DPP10: variants seen among roughly 807,000 people sequenced by gnomAD.
The protein encoded by DPP10 is inactive dipeptidyl peptidase 10.
In DPP10, 33 loss-of-function variants were observed where a neutral mutation model predicts 120.9. The observed-to-expected ratio is 0.27, with a 90% CI of 0.21 to 0.37. The LOEUF (loss-of-function observed/expected upper bound fraction) is 0.37, where lower values mean the gene tolerates loss of function less well. Among genes scored for constraint, DPP10 ranks in the 10% least tolerant of loss-of-function variants. The pLI is 1.00. For synonymous variants in DPP10, 337 were observed against 326.1 expected, an observed-to-expected ratio of 1.03 and a Z score of -0.36; for missense variants, 816 against 942.8, an observed-to-expected ratio of 0.87 and a Z score of 1.76.
At chr2:115,130,501 T>TATCCATCCATCC (rs56314226) in intron 1 of DPP10, among the ~76,000 whole-genome samples, 7,387 of 144,920 alleles carry the variant, frequency 0.051, 215 homozygotes, top group Non-Finnish European at 0.056. Flanking sequence ...TCCATCCATC[T>TATCCATCCATCC]ATCCATCCAT....
At chr2:114,670,854 T>C (rs1019065747) in intron 1 of DPP10, among the ~76,000 whole-genome samples, 1 of 152,118 alleles carries the variant, frequency 6.6e-6, no homozygotes, top group African/African-American at 2.4e-5. Flanking sequence ...AGTAAATAAT[T>C]GTTGTGCTGT....
At chr2:115,649,099 A>T (rs1038067907) in intron 5 of DPP10, among the ~76,000 whole-genome samples, 1 of 152,126 alleles carries the variant, frequency 6.6e-6, no homozygotes, top group Admixed American at 6.6e-5. Context: ...TCATGCTTCT[A>T]GGGAAAAGGA....
chr2:114,500,935 G>A (rs939321770), intron 1 of DPP10, among the ~76,000 whole-genome samples: 4 of 152,118 alleles, frequency 2.6e-5, no homozygotes, highest in African/African-American at 9.7e-5. Context: ...CAGAGCCGAG[G>A]GCCACAGAAA....
chr2:115,514,492 G>T (rs754862302), intron 4 of DPP10, among the ~76,000 whole-genome samples: 3 of 151,140 alleles, frequency 2.0e-5, no homozygotes, highest in Admixed American at 2.0e-4. Flanking sequence ...AATAAAACAT[G>T]GTCTAATAAT....
At chr2:115,566,246 TA>T (rs2081001975) in intron 5 of DPP10, among the ~76,000 whole-genome samples, 1 of 152,276 alleles carries the variant, frequency 6.6e-6, no homozygotes, top group South Asian at 2.1e-4. Context: ...TAAAAGTATT[TA>T]TAATTTTCTG....
At chr2:115,805,871 G>A (rs755234595) in intron 19 of DPP10, among the ~76,000 whole-genome samples, 7 of 151,958 alleles carry the variant, frequency 4.6e-5, no homozygotes, top group Admixed American at 6.6e-5. Flanking sequence ...CGCCGCGCCC[G>A]GCACTTCCTG....
chr2:114,798,646 G>A (rs966627463), intron 1 of DPP10, among the ~76,000 whole-genome samples: 3 of 152,098 alleles, frequency 2.0e-5, no homozygotes, highest in African/African-American at 7.2e-5. Context: ...ACCCTTAAAG[G>A]GCATGACAGT....
At chr2:115,006,553 G>T (rs1240991901) in intron 1 of DPP10, among the ~76,000 whole-genome samples, 1 of 148,220 alleles carries the variant, frequency 6.7e-6, no homozygotes, top group Non-Finnish European at 1.5e-5. Context: ...ACAAAAAAAG[G>T]CAGGGGTTGC....
chr2:115,011,835 A>T (rs141875508), intron 1 of DPP10, among the ~76,000 whole-genome samples: 35 of 152,134 alleles, frequency 2.3e-4, no homozygotes, highest in African/African-American at 8.4e-4. Context: ...AGACACTGAA[A>T]ACCTGTGAGT....
intron 1 of DPP10, among the ~76,000 whole-genome samples, chr2:115,173,500 A>G (rs1370260373): frequency 6.6e-6 from 1 of 152,240 alleles, no homozygotes; most frequent in Non-Finnish European, 1.5e-5. Flanking sequence ...CAGGTTATAT[A>G]GGGCTAAAAA....
intron 1 of DPP10, among the ~76,000 whole-genome samples, chr2:114,503,042 GAGAT>G (rs1683334224): frequency 6.6e-6 from 1 of 152,164 alleles, no homozygotes; most frequent in Non-Finnish European, 1.5e-5. Flanking sequence ...GAGGGCTATA[GAGAT>G]AGATGGATAA....
intron 5 of DPP10, among the ~76,000 whole-genome samples, chr2:115,629,065 G>A (rs969394108): frequency 6.6e-6 from 1 of 152,090 alleles, no homozygotes; most frequent in Admixed American, 6.6e-5. Flanking sequence ...AACATGCGGT[G>A]TTTGGTTTTC....
chr2:114,621,737 T>C (rs572084118), intron 1 of DPP10, among the ~76,000 whole-genome samples: 2 of 151,874 alleles, frequency 1.3e-5, no homozygotes, highest in African/African-American at 2.4e-5. Context: ...AATAAATAAA[T>C]GGATAGAGGT....
intron 2 of DPP10, among the ~76,000 whole-genome samples, chr2:115,342,896 T>G (rs2063520166): frequency 6.6e-6 from 1 of 152,212 alleles, no homozygotes; most frequent in African/African-American, 2.4e-5. Flanking sequence ...TGCCCCAGCC[T>G]TTTCAGCTAG....
Position 115,489,489 on chromosome 2 carries a change from T to C in DPP10, c.272-10021T>C, listed in dbSNP as rs149964227. 8.7e-3 allele frequency among the ~76,000 whole-genome samples: 1,316 copies of C among 151,920 alleles called. 13 individuals carry two copies. Among genetic ancestry groups the C allele is most frequent in the African/African-American group, 0.029 (1,219 of 41,414 alleles). ...TAAGCACAACTGACCAGCATTCAGG[T>C]TAAAATAGAGATCACAAGAATAACA... On this transcript the variant is annotated intron_variant, in intron 3 of 25. Transcript: ENST00000410059.
chr2:115,447,178 C>T (rs1253479922), intron 3 of DPP10, among the ~76,000 whole-genome samples: 1 of 152,180 alleles, frequency 6.6e-6, no homozygotes, highest in Non-Finnish European at 1.5e-5. Flanking sequence ...AATGACTGCC[C>T]CCACTGGATT....
chr2:115,228,243 GGCCC>G (rs1457398794), intron 1 of DPP10, among the ~76,000 whole-genome samples: 1 of 151,876 alleles, frequency 6.6e-6, no homozygotes, highest in Non-Finnish European at 1.5e-5. Flanking sequence ...CACTGCACCC[GGCCC>G]TATACATGGG....
intron 1 of DPP10, among the ~76,000 whole-genome samples, chr2:115,257,089 A>G (rs1179795473): frequency 1.3e-5 from 2 of 152,202 alleles, no homozygotes; most frequent in African/African-American, 4.8e-5. Flanking sequence ...TTCACTGTCC[A>G]TGTCATATCA....
At chr2:115,454,534 G>T (rs1250638095) in intron 3 of DPP10, among the ~76,000 whole-genome samples, 2 of 151,580 alleles carry the variant, frequency 1.3e-5, no homozygotes, top group Admixed American at 1.3e-4. Flanking sequence ...TAATAGTCAT[G>T]ATAAAAACTC....
Sources: allele counts gnomAD v4.1 joint callset (sites outside exome capture counted in the v4.1 genomes callset), GRCh38; gene constraint gnomAD v4.1.1; transcripts MANE v1.5; gene names NCBI Gene and HGNC (gene_info 2026-07-23, HGNC 2026-07-21).